The following GNG2 variants were observed in gnomAD, a reference collection of about 807,000 sequenced individuals.
GNG2 encodes the protein G protein subunit gamma 2, also known as guanine nucleotide-binding protein G(I)/G(S)/G(O) subunit gamma-2.
In GNG2, 5 loss-of-function variants were observed where a neutral mutation model predicts 5.5. That is an observed-to-expected ratio of 0.91 (90% CI 0.48 to 1.92). The LOEUF is 1.92. GNG2 is among the 30% of genes most tolerant of loss of function. GNG2 has a pLI of 0.01. For missense variants in GNG2, 55 were observed against 88.4 expected, an observed-to-expected ratio of 0.62 and a Z score of 1.52; for synonymous variants, 28 against 32.0, an observed-to-expected ratio of 0.88 and a Z score of 0.42.
chr14:51,853,089 C>T (rs1881985247), intron 2 of GNG2, among the ~76,000 whole-genome samples: 1 of 152,056 alleles, frequency 6.6e-6, no homozygotes. Context: ...AGTAGTTGTT[C>T]ACTCATTCTC....
chr14:51,953,060 A>G (rs531378060), intron 3 of GNG2, among the ~76,000 whole-genome samples: 1 of 152,160 alleles, frequency 6.6e-6, no homozygotes, highest in Non-Finnish European at 1.5e-5. Context: ...TGCCTAGAAC[A>G]TCCAGTCTCC....
intron 2 of GNG2, among the ~76,000 whole-genome samples, chr14:51,854,630 CT>C (rs5808636): frequency 0.73 from 111,093 of 151,716 alleles, 41,003 homozygotes; most frequent in African/African-American, 0.75. Flanking sequence ...CCTGCCTCAG[CT>C]CCCCCCGAGT....
At chr14:51,897,612 G>T (rs116035738) in intron 2 of GNG2, among the ~76,000 whole-genome samples, 410 of 152,296 alleles carry the variant, frequency 2.7e-3, no homozygotes, top group African/African-American at 9.7e-3. Context: ...GATCAAATTT[G>T]CTTTCCAGGG....
At chr14:51,908,140 C>T (rs1253693) in intron 2 of GNG2, among the ~76,000 whole-genome samples, 76,223 of 151,976 alleles carry the variant, frequency 0.5, 19,273 homozygotes, top group East Asian at 0.69. Context: ...CTTAAGTGGG[C>T]CTGGAGGATC....
At chr14:51,885,643 T>C (rs946941494) in intron 2 of GNG2, among the ~76,000 whole-genome samples, 1 of 152,136 alleles carries the variant, frequency 6.6e-6, no homozygotes, top group African/African-American at 2.4e-5. Flanking sequence ...AAAATGTCAT[T>C]ATTAATATTT....
intron 2 of GNG2, among the ~76,000 whole-genome samples, chr14:51,842,086 T>A (rs571043925): frequency 6.6e-6 from 1 of 152,292 alleles, no homozygotes; most frequent in South Asian, 2.1e-4. Flanking sequence ...GATGTCATGC[T>A]TATTTGCTCT....
In GNG2 at chr14:51,841,243, ATGT is replaced by A. The variant is rs552269042; in HGVS notation, c.64+13438_64+13440del. Reference sequence around the variant, plus strand: ...CCACATTTTAAGTAATGGTTCCCAAATGTTACTCTGTGAATCAGCTGCAACAGG... The same window carrying A: ...CCACATTTTAAGTAATGGTTCCCAAATACTCTGTGAATCAGCTGCAACAGG... On this transcript the variant is annotated intron_variant, in intron 2 of 3. Coordinates refer to the GNG2 transcript ENST00000553432. Among the ~76,000 whole-genome samples, 209 of 152,308 alleles carry A rather than the reference ATGT, an allele frequency of 1.4e-3. 2 individuals are homozygous for A. The highest frequency in any genetic ancestry group is 4.8e-3 in the African/African-American group (199 of 41,564).
rs540204195 is a variant in GNG2 at position 51,847,881 on chromosome 14, CTTTTTTTTTTTTTTTT to C, written c.64+20086_64+20101del. The stretch of plus-strand genomic sequence containing the variant: ...TACTCTATGAATACAGGTCCTTTTT[CTTTTTTTTTTTTTTTT>C]TTTTTTTTTTTGTAAAATGAAAAAT... On this transcript the variant is annotated intron_variant, in intron 2 of 3. Coordinates refer to the GNG2 transcript ENST00000553432. 4.2e-5 allele frequency among the ~76,000 whole-genome samples: 2 copies of C among 48,138 alleles called. 1 individual carries two copies. Among genetic ancestry groups the C allele is most frequent in the African/African-American group, 1.1e-4 (2 of 18,436 alleles). 31.6% of individuals were successfully genotyped at this position (48,138 alleles called of 152,430 possible). A position where few individuals can be genotyped will look rare whatever the true frequency, so the allele number is the denominator to read the frequency against.
chr14:51,949,795 A>C (rs1304591162), intron 2 of GNG2, among the ~76,000 whole-genome samples: 1 of 152,240 alleles, frequency 6.6e-6, no homozygotes, highest in African/African-American at 2.4e-5. Flanking sequence ...GGTATTTTCC[A>C]AGATGAACAA....
At chr14:51,873,559 A>G (rs571181596) in intron 1 of GNG2, among the ~76,000 whole-genome samples, 1 of 152,362 alleles carries the variant, frequency 6.6e-6, no homozygotes, top group African/African-American at 2.4e-5. Context: ...GGTTAGCCAT[A>G]TTAGTGTTGG....
intron 3 of GNG2, among the ~76,000 whole-genome samples, chr14:51,965,648 T>C (rs932347625): frequency 1.3e-5 from 2 of 152,180 alleles, no homozygotes; most frequent in African/African-American, 4.8e-5. Flanking sequence ...TTAATATATA[T>C]GAAGTATAAA....
rs35147124 is a variant in GNG2, at chr14:51,872,310, TTGTG to T, written c.-70-5285_-70-5282del. Among the ~76,000 whole-genome samples the T allele has an allele frequency of 6.5e-4, 97 of 149,920 alleles. 1 individual carries two copies. Among genetic ancestry groups the T allele is most frequent in the South Asian group, 5.3e-3 (25 of 4,732 alleles). ...GATACAATAATTTTAAATGACTATT[TTGTG>T]TGTGTGTGTGTGTGTGTGTGTAATG... is the stretch of plus-strand genomic sequence containing the variant. On this transcript the variant is annotated intron_variant, in intron 1 of 3. Coordinates refer to ENST00000556766, the MANE Select transcript of GNG2 (RefSeq NM_053064.5).
At chr14:51,879,493 C>G (rs1036497941) in intron 2 of GNG2, among the ~76,000 whole-genome samples, 2 of 152,186 alleles carry the variant, frequency 1.3e-5, no homozygotes, top group Non-Finnish European at 2.9e-5. Flanking sequence ...AACCTAGTGG[C>G]TTAGAACAAC....
chr14:51,936,653 G>A (rs990554556), intron 2 of GNG2, among the ~76,000 whole-genome samples: 6 of 151,622 alleles, frequency 4.0e-5, no homozygotes, highest in African/African-American at 1.5e-4. Context: ...TGGCTCCAGC[G>A]ATCCTTCTGT....
chr14:51,966,099 A>G (rs948054465), intron 3 of GNG2, among the ~76,000 whole-genome samples: 3 of 147,760 alleles, frequency 2.0e-5, no homozygotes, highest in Non-Finnish European at 3.0e-5. Flanking sequence ...AGTCCCAGCT[A>G]CTAGGGTGGC....
chr14:51,917,530 C>T (rs1418677390), intron 2 of GNG2: 5 of 423,844 alleles, frequency 1.2e-5, no homozygotes, highest in African/African-American at 2.0e-5. Flanking sequence ...TAACTTCCAG[C>T]AAATAGCATA....
intron 1 of GNG2, among the ~76,000 whole-genome samples, chr14:51,863,211 T>A (rs1050596118): frequency 6.6e-6 from 1 of 152,182 alleles, no homozygotes; most frequent in African/African-American, 2.4e-5. Context: ...GAGAAAACAC[T>A]GTGGAGTGAA....
intron 3 of GNG2, among the ~76,000 whole-genome samples, chr14:51,955,421 C>T (rs1889219555): frequency 6.6e-6 from 1 of 152,118 alleles, no homozygotes; most frequent in African/African-American, 2.4e-5. Flanking sequence ...TAATTAGTTT[C>T]ATCTTCATCA....
intron 2 of GNG2, chr14:51,841,374 G>T (rs1488031314): frequency 4.1e-6 from 2 of 490,558 alleles, no homozygotes; most frequent in African/African-American, 1.9e-5. Flanking sequence ...CCAGGTTTGG[G>T]AACCCTATGT....
Sources: allele counts gnomAD v4.1 joint callset (sites outside exome capture counted in the v4.1 genomes callset), GRCh38; gene constraint gnomAD v4.1.1; transcripts MANE v1.5; gene names NCBI Gene and HGNC (gene_info 2026-07-23, HGNC 2026-07-21).